KDM4C: variants seen among roughly 807,000 people sequenced by gnomAD.
KDM4C encodes lysine demethylase 4C, also known as lysine-specific demethylase 4C.
A neutral mutation model predicts 129.3 loss-of-function variants in KDM4C; 81 were observed. That is an observed-to-expected ratio of 0.63 (90% CI 0.52 to 0.75). KDM4C has a LOEUF of 0.75. Ranked by LOEUF, KDM4C falls within the 30% of genes least tolerant of loss-of-function variation. The pLI, the probability that KDM4C is intolerant of heterozygous loss-of-function variation, is 0.00. For synonymous variants in KDM4C, 573 were observed against 456.1 expected, an observed-to-expected ratio of 1.26 and a Z score of -3.26; for missense variants, 1,457 against 1,304.0, an observed-to-expected ratio of 1.12 and a Z score of -1.81.
intron 3 of KDM4C, among the ~76,000 whole-genome samples, chr9:6,806,896 C>G (rs914935408): frequency 2.4e-4 from 36 of 150,432 alleles, no homozygotes; most frequent in South Asian, 1.5e-3. Flanking sequence ...CTCCCTCTCC[C>G]TCTCCCTCTC....
intron 1 of KDM4C, among the ~76,000 whole-genome samples, chr9:6,732,620 G>A (rs1817388089): frequency 6.6e-6 from 1 of 152,116 alleles, no homozygotes; most frequent in Non-Finnish European, 1.5e-5. Flanking sequence ...ATCAACAAAT[G>A]GTGAAGGTCA....
chr9:7,131,500 T>A (rs1253652331), intron 19 of KDM4C, among the ~76,000 whole-genome samples: 2 of 152,172 alleles, frequency 1.3e-5, no homozygotes, highest in Non-Finnish European at 2.9e-5. Flanking sequence ...GATATTTTTG[T>A]AGAGATGGGG....
At chr9:7,153,028 C>G (rs527552904) in intron 19 of KDM4C, among the ~76,000 whole-genome samples, 7 of 152,238 alleles carry the variant, frequency 4.6e-5, no homozygotes, top group African/African-American at 1.7e-4. Context: ...AAAATTTTTT[C>G]CTATCTTTAA....
chr9:7,009,528 C>G (rs1822298045), intron 12 of KDM4C, among the ~76,000 whole-genome samples: 1 of 151,974 alleles, frequency 6.6e-6, no homozygotes, highest in South Asian at 2.1e-4. Context: ...AGAGAAACTG[C>G]CTTTTTGTTA....
intron 3 of KDM4C, among the ~76,000 whole-genome samples, chr9:6,807,726 C>T (rs1029934814): frequency 6.7e-6 from 1 of 148,534 alleles, no homozygotes; most frequent in Non-Finnish European, 1.5e-5. Context: ...CTCCGCCCGG[C>T]AGCCACCCCA....
chr9:6,939,971 T>TACCTACCC (rs1825568855), intron 8 of KDM4C, among the ~76,000 whole-genome samples: 3 of 137,654 alleles, frequency 2.2e-5, no homozygotes, highest in Non-Finnish European at 3.2e-5. Context: ...CCTACCTACC[T>TACCTACCC]ACCTACCTTC....
At chr9:6,810,189 A>G (rs1348057042) in intron 3 of KDM4C, among the ~76,000 whole-genome samples, 1 of 152,154 alleles carries the variant, frequency 6.6e-6, no homozygotes, top group Non-Finnish European at 1.5e-5. Context: ...TTCTACTTCA[A>G]GATAATTTTA....
chr9:6,808,739 TTC>T (rs1288174155), intron 3 of KDM4C, among the ~76,000 whole-genome samples: 1 of 146,492 alleles, frequency 6.8e-6, no homozygotes, highest in African/African-American at 2.5e-5. Context: ...ATCTGCCATA[TTC>T]TGTTTGTTAC....
chr9:7,069,949 T>C (rs1033875099), intron 17 of KDM4C, among the ~76,000 whole-genome samples: 5 of 152,232 alleles, frequency 3.3e-5, no homozygotes, highest in African/African-American at 9.6e-5. Context: ...TTATAAAGTG[T>C]AGTGTGACTA....
intron 12 of KDM4C, among the ~76,000 whole-genome samples, chr9:7,004,776 A>G (rs775696065): frequency 1.3e-5 from 2 of 152,228 alleles, no homozygotes; most frequent in African/African-American, 2.4e-5. Flanking sequence ...GCGTCTGTCT[A>G]GATTGGCTCT....
intron 8 of KDM4C, among the ~76,000 whole-genome samples, chr9:6,937,356 G>A (rs1311571369): frequency 1.3e-5 from 2 of 152,060 alleles, no homozygotes; most frequent in African/African-American, 4.8e-5. Context: ...TTGGTGCATG[G>A]CAGAGCCTTC....
At chr9:6,960,933 G>C (rs1829934376) in intron 8 of KDM4C, among the ~76,000 whole-genome samples, 1 of 152,170 alleles carries the variant, frequency 6.6e-6, no homozygotes. Flanking sequence ...CAACCACACA[G>C]AAAAATGACA....
chr9:6,774,595 G>A (rs1356229933), intron 1 of KDM4C, among the ~76,000 whole-genome samples: 1 of 152,174 alleles, frequency 6.6e-6, no homozygotes, highest in East Asian at 1.9e-4. Flanking sequence ...AACCTGGGAG[G>A]TGGAGATTGC....
At chr9:6,774,188 A>G (rs1417216953) in intron 1 of KDM4C, among the ~76,000 whole-genome samples, 1 of 151,910 alleles carries the variant, frequency 6.6e-6, no homozygotes, top group Non-Finnish European at 1.5e-5. Context: ...GTGCCTGGCC[A>G]CCCTAGACAT....
intron 17 of KDM4C, among the ~76,000 whole-genome samples, chr9:7,099,023 C>A (rs1051076585): frequency 6.6e-6 from 1 of 152,154 alleles, no homozygotes; most frequent in Non-Finnish European, 1.5e-5. Flanking sequence ...AACATTGTTC[C>A]CTGTTTGAGC....
At chr9:6,909,919 G>T (rs1476058168) in intron 8 of KDM4C, among the ~76,000 whole-genome samples, 2 of 152,150 alleles carry the variant, frequency 1.3e-5, no homozygotes, top group African/African-American at 4.8e-5. Context: ...AAGATTTCAC[G>T]TATATCTTTG....
chr9:6,859,293 T>C (rs1429086777), intron 5 of KDM4C, among the ~76,000 whole-genome samples: 2 of 151,824 alleles, frequency 1.3e-5, no homozygotes, highest in African/African-American at 4.8e-5. Flanking sequence ...CTGGCCAACG[T>C]GGTGAAACCC....
intron 1 of KDM4C, among the ~76,000 whole-genome samples, chr9:6,768,171 C>T (rs1367775521): frequency 1.3e-5 from 2 of 151,804 alleles, no homozygotes; most frequent in Non-Finnish European, 1.5e-5. Context: ...CAGTGTGGTT[C>T]CCTAATTAAA....
intron 5 of KDM4C, among the ~76,000 whole-genome samples, chr9:6,867,415 T>C (rs1842209987): frequency 6.6e-6 from 1 of 152,182 alleles, no homozygotes; most frequent in African/African-American, 2.4e-5. Flanking sequence ...ACAATTGATA[T>C]TTGAATAAAT....
Sources: gnomAD v4.1 joint callset for allele counts (sites outside exome capture counted in the v4.1 genomes callset) on GRCh38, gnomAD v4.1.1 for gene constraint, MANE v1.5 for transcripts, NCBI Gene and HGNC (gene_info 2026-07-23, HGNC 2026-07-21) for gene names.